Variants in PMS2 observed in about 807,000 individuals in gnomAD.
The protein encoded by PMS2 is mismatch repair endonuclease PMS2.
Under a neutral mutation model 90.0 loss-of-function variants are expected in PMS2, and 69 were observed. That is an observed-to-expected ratio of 0.77 (90% CI 0.63 to 0.94). The LOEUF is 0.94. PMS2 is among the 40% of genes least tolerant of loss of function. The pLI is 0.00. For synonymous variants in PMS2, 332 were observed against 375.1 expected (o/e 0.89, Z 1.33); for missense variants, 966 against 1,040.2 (o/e 0.93, Z 0.98).
intron 9 of PMS2, among the ~76,000 whole-genome samples, chr7:5,991,735 A>G (rs1783751752): frequency 1.3e-5 from 2 of 152,020 alleles, no homozygotes; most frequent in Non-Finnish European, 2.9e-5. Flanking sequence ...GCTACTTGGG[A>G]GGCTGAGTCA....
Position 5,984,838 on chromosome 7 carries a change from G to C in PMS2, c.2007-1847C>G, listed in dbSNP as rs567524538. Among the ~76,000 whole-genome samples, 5 of 151,696 alleles carry C rather than the reference G, an allele frequency of 3.3e-5. No individual in the cohort carries two copies. The East Asian group carries it at 9.7e-4, about 29-fold the overall frequency. ...TTGTTTCTTTCTATAAGTGCTCCAG[G>C]AAGACCCGGTCCCATGCCACCATGC... On this transcript the variant is annotated intron_variant, in intron 11 of 14. Coordinates refer to ENST00000265849, the MANE Select transcript of PMS2 (RefSeq NM_000535.7).
intron 8 of PMS2, among the ~76,000 whole-genome samples, chr7:5,992,342 G>A (rs1363132770): frequency 3.4e-5 from 5 of 147,404 alleles, no homozygotes; most frequent in Admixed American, 2.1e-4. Context: ...TTTTTTCAAC[G>A]GAGTCTCGCT....
At chr7:5,999,513 C>T (rs1784863374) in intron 5 of PMS2, among the ~76,000 whole-genome samples, 1 of 152,030 alleles carries the variant, frequency 6.6e-6, no homozygotes, top group East Asian at 1.9e-4. Flanking sequence ...CCTGGTAAAA[C>T]AACTAAAAAG....
At chr7:5,999,034 A>T (rs1784773212) in intron 6 of PMS2, 74 bp downstream of exon 6, 2 of 1,390,252 alleles carry the variant, frequency 1.4e-6, no homozygotes, top group Non-Finnish European at 2.0e-6. Context: ...TCTCCATTCT[A>T]CTGGAAGGGA....
At chr7:5,995,360 C>G (rs928889514) in intron 8 of PMS2, among the ~76,000 whole-genome samples, 174 bp downstream of exon 8, 1 of 152,174 alleles carries the variant, frequency 6.6e-6, no homozygotes, top group South Asian at 2.1e-4. Flanking sequence ...GTTGAAACAT[C>G]TGAAGCTGGG....
chr7:5,979,533 A>G (rs1439599884), intron 12 of PMS2, among the ~76,000 whole-genome samples: 1 of 150,042 alleles, frequency 6.7e-6, no homozygotes, highest in Non-Finnish European at 1.5e-5. Flanking sequence ...CTTCTAATAC[A>G]GAATTTGAAA....
intron 6 of PMS2, 86 bp downstream of exon 6, chr7:5,999,022 A>T (rs2128797911): frequency 7.8e-7 from 1 of 1,290,308 alleles, no homozygotes; most frequent in Non-Finnish European, 1.1e-6. Flanking sequence ...CTAAGATTTT[A>T]TTCTCCATTC....
intron 13 of PMS2, among the ~76,000 whole-genome samples, 191 bp downstream of exon 13, chr7:5,978,405 G>A (rs1441771958): frequency 6.7e-6 from 1 of 148,426 alleles, no homozygotes; most frequent in Non-Finnish European, 1.5e-5. Context: ...TGAGTAGCTG[G>A]GATTACAGGC....
In PMS2 at chr7:6,009,002, G is replaced by C. The variant is rs1221290124; in HGVS notation, c.18C>G (p.Ser6Arg). 1 of 1,612,644 alleles carries C rather than the reference G, an allele frequency of 6.2e-7. No homozygotes were observed. The highest frequency in any genetic ancestry group is 8.5e-7 in the Non-Finnish European group (1 of 1,179,850). Residue 6 changes from serine (S) to arginine (R), a missense_variant, in exon 1 of 15, where the codon AGC becomes AGG. Physicochemically the swap from Ser to Arg is moderately radical, Grantham distance 110. Transcript: ENST00000265849. MERAE[S>R]SSTEPAKAIK... Reference sequence around the variant, plus strand: ...AGACTGCGAGCCCCGCTCACCTCGAGCTCTCAGCTCGCTCCATGGATGCAA... The same window carrying C: ...AGACTGCGAGCCCCGCTCACCTCGACCTCTCAGCTCGCTCCATGGATGCAA...
intron 8 of PMS2, among the ~76,000 whole-genome samples, chr7:5,994,797 G>T (rs1784196678): frequency 6.6e-6 from 1 of 151,448 alleles, no homozygotes; most frequent in Non-Finnish European, 1.5e-5. Context: ...AGAAAGAAAA[G>T]AAAATACTGT....
intron 9 of PMS2, 141 bp downstream of exon 9, chr7:5,991,832 C>A: frequency 3.2e-6 from 2 of 625,900 alleles, no homozygotes; most frequent in Non-Finnish European, 5.8e-6. Flanking sequence ...GAGCAAGACC[C>A]CGTCTCAAAA....
At chr7:5,990,806 G>C (rs77283699) in intron 9 of PMS2, among the ~76,000 whole-genome samples, 7,863 of 152,236 alleles carry the variant, frequency 0.052, 517 homozygotes, top group East Asian at 0.34. Context: ...TTAAGGTCAG[G>C]AGTTCAAGAC....
intron 8 of PMS2, among the ~76,000 whole-genome samples, chr7:5,992,541 A>C (rs1286677338): frequency 6.6e-6 from 1 of 151,984 alleles, no homozygotes; most frequent in Non-Finnish European, 1.5e-5. Flanking sequence ...GCTGGTCTCG[A>C]ACTCCTGACC....
At chr7:5,991,413 T>G (rs1487125507) in intron 9 of PMS2, among the ~76,000 whole-genome samples, 1 of 151,644 alleles carries the variant, frequency 6.6e-6, no homozygotes, top group African/African-American at 2.4e-5. Flanking sequence ...CTATATGAAA[T>G]GAATTATTTA....
In PMS2 at chr7:5,977,596, G is replaced by A. The variant is rs375968016; in HGVS notation, c.2437C>T (p.Arg813Trp). ...AGGCTTTCTTTACTTACCGACTTCC[G>A]GCAGGCTCTGGAGGCAAACATCTGC... ...VKQMFASRAC[R>W]KSVMIGTALN... The change falls in exon 14 of 15, where the codon CGG (arginine) becomes TGG (tryptophan). Residue 813 changes from arginine to tryptophan, a missense_variant. Physicochemically the swap from Arg to Trp is moderately radical, Grantham distance 101. Transcript: ENST00000265849. The A allele has an allele frequency of 6.1e-5, 96 of 1,565,522 alleles. 1 individual carries two copies. The highest frequency in any genetic ancestry group is 4.6e-4 in the African/African-American group (34 of 73,476).
chr7:6,007,870 T>A (rs1285682539), intron 1 of PMS2, among the ~76,000 whole-genome samples: 4 of 151,308 alleles, frequency 2.6e-5, no homozygotes, highest in Non-Finnish European at 5.9e-5. Flanking sequence ...TTTTTTTTTT[T>A]TTTTTTTGAG....
At position 5,976,775 on chromosome 7, in the gene PMS2, G is replaced by C. The variant is rs1024722221; in HGVS notation, c.2445+813C>G. 2.2e-5 allele frequency among the ~76,000 whole-genome samples: 3 copies of C among 136,208 alleles called. No homozygotes were observed. In the Admixed American group the frequency reaches 2.3e-4, roughly 10 times the overall value. The allele number at this position is 136,208 out of a possible 152,430, so 89.4% of individuals were successfully genotyped here. Reference sequence around the variant, plus strand: ...TGGAGTCAACCAAAGCTCGGAGATAGAATACTGGCCGGGCCAGGCACAGTG... The same window carrying C: ...TGGAGTCAACCAAAGCTCGGAGATACAATACTGGCCGGGCCAGGCACAGTG... On this transcript the variant is annotated intron_variant, in intron 14 of 14. Transcript: ENST00000265849.
intron 9 of PMS2, among the ~76,000 whole-genome samples, chr7:5,991,392 G>GA (rs1020539609): frequency 3.3e-5 from 5 of 149,306 alleles, no homozygotes; most frequent in East Asian, 3.9e-4. Flanking sequence ...TTAACAATCA[G>GA]AAAAAAAAAT....
At chr7:5,980,884 A>G (rs1204602127) in intron 12 of PMS2, among the ~76,000 whole-genome samples, 1 of 151,096 alleles carries the variant, frequency 6.6e-6, no homozygotes, top group African/African-American at 2.5e-5. Context: ...ATTCCACAGG[A>G]GAGTACTCAG....
Sources: gnomAD v4.1 joint callset for allele counts (sites outside exome capture counted in the v4.1 genomes callset) on GRCh38, gnomAD v4.1.1 for gene constraint, MANE v1.5 for transcripts, NCBI Gene and HGNC (gene_info 2026-07-23, HGNC 2026-07-21) for gene names.